Variants in FHIT observed in about 807,000 individuals in gnomAD.
The protein encoded by FHIT is fragile histidine triad diadenosine triphosphatase.
In FHIT, 19 loss-of-function variants were observed where a neutral mutation model predicts 17.9. The observed-to-expected ratio is 1.06, with a 90% CI of 0.74 to 1.56. The LOEUF (loss-of-function observed/expected upper bound fraction) is 1.56. Among genes scored for constraint, FHIT ranks in the 40% most tolerant of loss-of-function variants. The pLI is 0.00. For synonymous variants in FHIT, 81 were observed against 69.7 expected (o/e 1.16, Z -0.81); for missense variants, 248 against 189.2 (o/e 1.31, Z -1.82).
intron 5 of FHIT, among the ~76,000 whole-genome samples, chr3:60,499,206 C>A (rs930452458): frequency 6.6e-6 from 1 of 152,156 alleles, no homozygotes; most frequent in Non-Finnish European, 1.5e-5. Flanking sequence ...TGTGGGCATA[C>A]TTAAATGATT....
intron 5 of FHIT, among the ~76,000 whole-genome samples, chr3:60,191,752 A>T (rs1702412877): frequency 6.6e-6 from 1 of 152,218 alleles, no homozygotes. Context: ...TAAAAATTTT[A>T]AAAATAAAAA....
chr3:60,740,159 A>T (rs1355732166), intron 4 of FHIT, among the ~76,000 whole-genome samples: 5 of 152,166 alleles, frequency 3.3e-5, no homozygotes, highest in African/African-American at 1.2e-4. Flanking sequence ...CTCATTTTAG[A>T]TGTTTGCTGC....
chr3:59,809,626 A>T (rs916925155), intron 8 of FHIT, among the ~76,000 whole-genome samples: 2 of 152,200 alleles, frequency 1.3e-5, no homozygotes, highest in Non-Finnish European at 2.9e-5. Flanking sequence ...TTGGAGTTCA[A>T]CTTCTGAACA....
chr3:60,240,327 G>A (rs190297701), intron 5 of FHIT, among the ~76,000 whole-genome samples: 3 of 152,270 alleles, frequency 2.0e-5, no homozygotes, highest in African/African-American at 7.2e-5. Context: ...TTAAGAGCCA[G>A]TTATGTAGCT....
chr3:59,901,834 C>A (rs977217662), intron 8 of FHIT, among the ~76,000 whole-genome samples: 1 of 152,132 alleles, frequency 6.6e-6, no homozygotes, highest in Admixed American at 6.5e-5. Flanking sequence ...GTAATATTAA[C>A]AGCAGCATTC....
chr3:60,031,730 G>A (rs1312111496), intron 5 of FHIT, among the ~76,000 whole-genome samples: 1 of 152,096 alleles, frequency 6.6e-6, no homozygotes, highest in African/African-American at 2.4e-5. Flanking sequence ...AGGTAATTTG[G>A]GGCTTAGGTC....
intron 4 of FHIT, among the ~76,000 whole-genome samples, chr3:60,778,591 T>C (rs1341190830): frequency 6.6e-6 from 1 of 152,242 alleles, no homozygotes; most frequent in African/African-American, 2.4e-5. Flanking sequence ...TTACAGCCTT[T>C]AACAATTGAG....
chr3:61,132,539 C>A (rs571404286), intron 2 of FHIT, among the ~76,000 whole-genome samples: 1 of 152,048 alleles, frequency 6.6e-6, no homozygotes, highest in Non-Finnish European at 1.5e-5. Flanking sequence ...ATGGGGATGC[C>A]GATAAGGAGT....
At chr3:60,566,849 C>T (rs2037153848) in intron 4 of FHIT, among the ~76,000 whole-genome samples, 1 of 148,306 alleles carries the variant, frequency 6.7e-6, no homozygotes, top group Admixed American at 6.8e-5. Flanking sequence ...TGAGTGAACT[C>T]CCATTCACAA....
Position 60,020,294 on chromosome 3 carries a change from CAT to C in FHIT, c.104-6144_104-6143del, listed in dbSNP as rs544119543. Among the ~76,000 whole-genome samples the C allele has an allele frequency of 3.1e-3, 466 of 152,152 alleles. 6 individuals are homozygous for C. Among genetic ancestry groups the C allele is most frequent in the African/African-American group, 0.011 (452 of 41,510 alleles). ...CCATGACAAATACGAAATATTTAAA[CAT>C]GGAGCACTGACAGATAAATGGAAAT... is the stretch of plus-strand genomic sequence containing the variant. On this transcript the variant is annotated intron_variant, in intron 5 of 9. Transcript: ENST00000492590.
At chr3:60,970,161 C>T (rs1289927481) in intron 3 of FHIT, among the ~76,000 whole-genome samples, 1 of 152,160 alleles carries the variant, frequency 6.6e-6, no homozygotes, top group African/African-American at 2.4e-5. Context: ...TATTAACTAC[C>T]TGAAGAGGTA....
At chr3:60,104,763 A>C (rs961825113) in intron 5 of FHIT, among the ~76,000 whole-genome samples, 18 of 152,110 alleles carry the variant, frequency 1.2e-4, no homozygotes, top group Non-Finnish European at 2.9e-5. Flanking sequence ...CATAATAAAA[A>C]CCAGAACAAT....
intron 5 of FHIT, among the ~76,000 whole-genome samples, chr3:60,221,076 G>C (rs1051807886): frequency 6.6e-6 from 1 of 152,134 alleles, no homozygotes; most frequent in African/African-American, 2.4e-5. Flanking sequence ...CATTTAGCTA[G>C]TCTCATTATT....
intron 4 of FHIT, among the ~76,000 whole-genome samples, chr3:60,567,934 C>T (rs1471106808): frequency 1.3e-5 from 2 of 152,102 alleles, no homozygotes; most frequent in Non-Finnish European, 1.5e-5. Context: ...GTTAGAATGG[C>T]AATCATTAAA....
intron 4 of FHIT, among the ~76,000 whole-genome samples, chr3:60,560,840 C>G (rs376690423): frequency 0.018 from 2,088 of 115,426 alleles, 24 homozygotes; most frequent in East Asian, 0.053. Context: ...CACACACACA[C>G]ACACAGAGAG....
chr3:60,879,523 T>C (rs1704856240), intron 3 of FHIT, among the ~76,000 whole-genome samples: 1 of 151,980 alleles, frequency 6.6e-6, no homozygotes, highest in Non-Finnish European at 1.5e-5. Flanking sequence ...AGCAAAGAAA[T>C]ATGTCAATGC....
At chr3:60,196,418 C>T (rs535609728) in intron 5 of FHIT, among the ~76,000 whole-genome samples, 1 of 152,242 alleles carries the variant, frequency 6.6e-6, no homozygotes, top group East Asian at 1.9e-4. Context: ...CACTCTGACT[C>T]GCTTGCCTCC....
chr3:60,150,900 C>T (rs1254646521), intron 5 of FHIT, among the ~76,000 whole-genome samples: 42 of 148,174 alleles, frequency 2.8e-4, no homozygotes, highest in Admixed American at 2.2e-3. Flanking sequence ...GCCTGGGTGA[C>T]AGAGCTAGAC....
intron 8 of FHIT, among the ~76,000 whole-genome samples, chr3:59,852,125 T>C (rs1701965574): frequency 6.6e-6 from 1 of 152,170 alleles, no homozygotes; most frequent in African/African-American, 2.4e-5. Flanking sequence ...CTCCAGCATA[T>C]GGCTCTCCAC....
Sources: allele counts gnomAD v4.1 joint callset (sites outside exome capture counted in the v4.1 genomes callset), GRCh38; gene constraint gnomAD v4.1.1; transcripts MANE v1.5; gene names NCBI Gene and HGNC (gene_info 2026-07-23, HGNC 2026-07-21).